SLC12A7: variants seen among roughly 807,000 people sequenced by gnomAD.
SLC12A7 encodes the protein K-Cl cotransporter 4.
A neutral mutation model predicts 120.6 loss-of-function variants in SLC12A7; 100 were observed. That is an observed-to-expected ratio of 0.83 (90% confidence interval 0.71 to 0.98). SLC12A7 has a LOEUF of 0.98. SLC12A7 is among the 50% of genes least tolerant of loss of function. The pLI is 0.00. For synonymous variants in SLC12A7, 760 were observed against 678.0 expected (o/e 1.12, Z -1.88); for missense variants, 1,373 against 1,548.1 (o/e 0.89, Z 1.90).
intron 17 of SLC12A7, among the ~76,000 whole-genome samples, chr5:1,070,050 C>G (rs1579346492): frequency 2.8e-5 from 1 of 35,552 alleles, no homozygotes; most frequent in African/African-American, 1.2e-4. Flanking sequence ...CCAGTGAGCC[C>G]CCAGTGAGCC....
intron 1 of SLC12A7, among the ~76,000 whole-genome samples, chr5:1,107,760 G>A (rs1270532998): frequency 4.6e-5 from 7 of 152,176 alleles, no homozygotes; most frequent in Middle Eastern, 3.2e-3. Flanking sequence ...GTTTGGCCTC[G>A]CCCACTCAGA....
chr5:1,080,235 G>GTGC (rs1738867699), intron 9 of SLC12A7, among the ~76,000 whole-genome samples: 1 of 95,796 alleles, frequency 1.0e-5, no homozygotes, highest in African/African-American at 4.5e-5. Context: ...GCGGCGCGGA[G>GTGC]ACACCAGGAG....
chr5:1,107,291 C>T (rs1742602165), intron 1 of SLC12A7, among the ~76,000 whole-genome samples: 2 of 152,246 alleles, frequency 1.3e-5, no homozygotes, highest in African/African-American at 2.4e-5. Context: ...GTGATTGAGG[C>T]CCACCTGGGT....
intron 20 of SLC12A7, 123 bp from the exon 21 acceptor site, chr5:1,060,574 C>A (rs1736077681): frequency 1.5e-6 from 1 of 683,416 alleles, no homozygotes; most frequent in South Asian, 1.8e-5. Flanking sequence ...CGTCCCGGGC[C>A]CCACAGGCCC....
rs369398446 is a variant in SLC12A7 at position 1,107,214 on chromosome 5, G to A, written c.124+4654C>T. ...TCAGCCTTCTTTGAGAAGAAAAGCC[G>A]GACCACAGGAGTTCCCCGTGGTTCT... On this transcript the variant is annotated intron_variant, in intron 1 of 23. Transcript: ENST00000264930. 1.4e-4 allele frequency among the ~76,000 whole-genome samples: 21 copies of A among 152,314 alleles called. No homozygotes were observed. In the South Asian group the frequency reaches 3.5e-3, roughly 26 times the overall value.
chr5:1,050,600 G>A lies in SLC12A7; in HGVS notation c.*1760C>T, dbSNP rs1058542. 5.6e-6 allele frequency: 2 copies of A among 357,294 alleles called. No individual in the cohort carries two copies. Among genetic ancestry groups the A allele is most frequent in the African/African-American group, 4.2e-5 (2 of 47,800 alleles). The allele number at this position is 357,294 out of a possible 1,614,324, so 22.1% of individuals were successfully genotyped here. A position where few individuals can be genotyped will look rare whatever the true frequency, so the allele number is the denominator to read the frequency against. Reference sequence around the variant, plus strand: ...CGTGTGCAGAACTGAGCGGCCCTCAGAAGCAGGGCTGTTTTCCAGCCACCA... The same window carrying A: ...CGTGTGCAGAACTGAGCGGCCCTCAAAAGCAGGGCTGTTTTCCAGCCACCA... On this transcript the variant is annotated 3_prime_UTR_variant, in exon 24 of 24. Coordinates refer to ENST00000264930, the MANE Select transcript of SLC12A7 (RefSeq NM_006598.3).
At chr5:1,052,633 G>A (rs1735171350) in intron 23 of SLC12A7, among the ~76,000 whole-genome samples, 182 bp from the exon 24 acceptor site, 1 of 152,296 alleles carries the variant, frequency 6.6e-6, no homozygotes, top group South Asian at 2.1e-4. Flanking sequence ...GCAGGGCAGG[G>A]GAGAGAGGGG....
the SLC12A7 span, among the ~76,000 whole-genome samples, chr5:1,150,393 G>A: frequency 6.6e-6 from 1 of 151,742 alleles, no homozygotes; most frequent in African/African-American, 2.4e-5. Context: ...GAGGAACAGA[G>A]GAGGCACCTG....
intron 1 of SLC12A7, among the ~76,000 whole-genome samples, chr5:1,109,986 GA>G (rs1742871340): frequency 6.6e-6 from 1 of 152,170 alleles, no homozygotes; most frequent in Non-Finnish European, 1.5e-5. Context: ...GCTTCTGCAG[GA>G]CCCCCGCCCC....
At chr5:1,131,763 G>A in the SLC12A7 span, among the ~76,000 whole-genome samples, 8 of 152,214 alleles carry the variant, frequency 5.3e-5, no homozygotes, top group Admixed American at 1.3e-4. Context: ...TCCAGGACAC[G>A]GGAAAGGGGC....
intron 19 of SLC12A7, 51 bp from the exon 20 acceptor site, chr5:1,064,026 C>G (rs568203509): frequency 6.2e-7 from 1 of 1,603,278 alleles, no homozygotes; most frequent in East Asian, 2.2e-5. Flanking sequence ...CCCGTCCCGG[C>G]CCGCAGCACG....
intron 20 of SLC12A7, among the ~76,000 whole-genome samples, chr5:1,061,588 T>A (rs111561209): frequency 0.058 from 8,151 of 140,696 alleles, 996 homozygotes; most frequent in African/African-American, 0.2. Context: ...GGGATCCCTG[T>A]GTCTCACCCG....
chr5:1,080,010 C>T lies in SLC12A7; in HGVS notation c.1298-514G>A, dbSNP rs187856435. The stretch of plus-strand genomic sequence containing the variant: ...CGGCTCCTACAAAGCTCTGGGAAGC[C>T]GGGTCGGTGGGGGCCACTTCACGCC... On this transcript the variant is annotated intron_variant, in intron 9 of 23. Coordinates refer to ENST00000264930, the MANE Select transcript of SLC12A7 (RefSeq NM_006598.3). Among the ~76,000 whole-genome samples the T allele has an allele frequency of 1.9e-3, 286 of 152,340 alleles. 1 individual carries two copies. The highest frequency in any genetic ancestry group is 6.4e-3 in the African/African-American group (267 of 41,582).
At chr5:1,095,949 TGCCACGGAGCAGCG>T (rs1254807981) in intron 1 of SLC12A7, among the ~76,000 whole-genome samples, 1 of 151,986 alleles carries the variant, frequency 6.6e-6, no homozygotes. Flanking sequence ...GAGAGGCCAG[TGCCACGGAGCAGCG>T]GCCCCACCCC....
intron 3 of SLC12A7, 76 bp downstream of exon 3, chr5:1,093,457 T>G: frequency 7.1e-7 from 1 of 1,406,878 alleles, no homozygotes; most frequent in Non-Finnish European, 9.5e-7. Flanking sequence ...GACAAGCAAC[T>G]GCCTTGCCGG....
the SLC12A7 span, among the ~76,000 whole-genome samples, chr5:1,140,366 C>T: frequency 6.6e-6 from 1 of 152,242 alleles, no homozygotes; most frequent in South Asian, 2.1e-4. Context: ...GCCACACCTG[C>T]GTCTCCATCT....
chr5:1,097,289 C>A (rs183553046), intron 1 of SLC12A7, among the ~76,000 whole-genome samples: 3 of 152,144 alleles, frequency 2.0e-5, no homozygotes, highest in African/African-American at 7.2e-5. Flanking sequence ...ACATCCTTCC[C>A]GTCGCCTCCA....
intron 21 of SLC12A7, among the ~76,000 whole-genome samples, chr5:1,060,105 C>CT (rs1736027956): frequency 6.6e-6 from 1 of 152,224 alleles, no homozygotes; most frequent in South Asian, 2.1e-4. Flanking sequence ...GGCTGCCGTT[C>CT]CTCTAACCAG....
At chr5:1,098,123 C>A (rs1225443749) in intron 1 of SLC12A7, among the ~76,000 whole-genome samples, 1 of 122,716 alleles carries the variant, frequency 8.1e-6, no homozygotes, top group Non-Finnish European at 1.7e-5. Context: ...CCCCTCTAAC[C>A]CTCTGCAAGC....
Sources: gnomAD v4.1 joint callset for allele counts (sites outside exome capture counted in the v4.1 genomes callset) on GRCh38, gnomAD v4.1.1 for gene constraint, MANE v1.5 for transcripts, NCBI Gene and HGNC (gene_info 2026-07-23, HGNC 2026-07-21) for gene names.